The following PPM1H variants were observed in gnomAD, a reference collection of about 807,000 sequenced individuals.
PPM1H encodes the protein protein phosphatase 1H.
Under a neutral mutation model 54.9 loss-of-function variants are expected in PPM1H, and 27 were observed. The ratio of observed to expected loss-of-function variants is 0.49; its 90% CI spans 0.36 to 0.68. The LOEUF is 0.68. Ranked by LOEUF, PPM1H falls within the 30% of genes least tolerant of loss-of-function variation. PPM1H has a pLI of 0.00. For synonymous variants in PPM1H, 305 were observed against 270.8 expected (o/e 1.13, Z -1.24); for missense variants, 596 against 667.8 (o/e 0.89, Z 1.19).
intron 2 of PPM1H, among the ~76,000 whole-genome samples, chr12:62,826,821 T>C (rs1000178454): frequency 2.0e-5 from 3 of 152,214 alleles, no homozygotes; most frequent in Non-Finnish European, 4.4e-5. Flanking sequence ...GCCTGTCAAC[T>C]CTGTTTGCAG....
At chr12:62,744,988 C>A (rs1456534966) in intron 4 of PPM1H, among the ~76,000 whole-genome samples, 2 of 152,298 alleles carry the variant, frequency 1.3e-5, no homozygotes, top group East Asian at 3.9e-4. Context: ...CTGGTGCCGT[C>A]CTATGGGGAA....
chr12:62,717,868 G>C (rs542965261), intron 6 of PPM1H, among the ~76,000 whole-genome samples: 1 of 152,188 alleles, frequency 6.6e-6, no homozygotes, highest in Non-Finnish European at 1.5e-5. Context: ...TAGTAACAAT[G>C]AGCTGTTCTT....
chr12:62,840,073 G>GAGAGAA (rs752089262), intron 1 of PPM1H: 1 of 126,694 alleles, frequency 7.9e-6, no homozygotes, highest in Non-Finnish European at 1.6e-5. Flanking sequence ...GAGAGAGAGA[G>GAGAGAA]AGAGAGAGAG....
chr12:62,817,689 T>C (rs2076879511), intron 2 of PPM1H, among the ~76,000 whole-genome samples: 2 of 152,100 alleles, frequency 1.3e-5, no homozygotes, highest in Admixed American at 1.3e-4. Flanking sequence ...CAACCTTCAT[T>C]TCATGTTTCG....
intron 8 of PPM1H, among the ~76,000 whole-genome samples, chr12:62,686,500 G>A (rs1281553998): frequency 2.0e-5 from 3 of 152,170 alleles, no homozygotes; most frequent in Non-Finnish European, 2.9e-5. Context: ...CAAGCCCTGT[G>A]CTCAATGGCA....
At chr12:62,783,706 C>T (rs1255307072) in intron 4 of PPM1H, among the ~76,000 whole-genome samples, 1 of 152,220 alleles carries the variant, frequency 6.6e-6, no homozygotes, top group Non-Finnish European at 1.5e-5. Context: ...ACGTGCCTTG[C>T]ACTTATTAGC....
intron 1 of PPM1H, among the ~76,000 whole-genome samples, chr12:62,841,039 AAG>A (rs972711737): frequency 6.6e-6 from 1 of 152,068 alleles, no homozygotes; most frequent in Non-Finnish European, 1.5e-5. Context: ...GGTTATGGAG[AAG>A]AGAGAAAAGA....
rs1031552583 is a variant in PPM1H, at chr12:62,647,507, T to TAAAC, written c.*978_*981dup. On this transcript the variant is annotated 3_prime_UTR_variant, in exon 10 of 10. Coordinates refer to ENST00000228705, the MANE Select transcript of PPM1H (RefSeq NM_020700.2). ...CAAGCAACTTCTTAAACTGCTCTAT[T>TAAAC]AAACACTGCTTTATATGTGTCCCCA... The TAAAC allele has an allele frequency of 5.9e-5, 9 of 152,202 alleles. No individual in the cohort carries two copies. Among genetic ancestry groups the TAAAC allele is most frequent in the Admixed American group, 3.3e-4 (5 of 15,272 alleles). 9.4% of individuals were successfully genotyped at this position (152,202 alleles called of 1,614,324 possible).
At chr12:62,885,147 T>A (rs1278644982) in intron 1 of PPM1H, among the ~76,000 whole-genome samples, 9 of 152,072 alleles carry the variant, frequency 5.9e-5, no homozygotes, top group African/African-American at 2.2e-4. Context: ...ATCACGAGAA[T>A]AGCACAGGCA....
chr12:62,881,936 C>G (rs1321978310), intron 1 of PPM1H, among the ~76,000 whole-genome samples: 1 of 152,218 alleles, frequency 6.6e-6, no homozygotes, highest in Non-Finnish European at 1.5e-5. Flanking sequence ...TGTTCTAGAT[C>G]TGTCCTGTCC....
chr12:62,831,730 AGT>A (rs1159097469), intron 2 of PPM1H, among the ~76,000 whole-genome samples: 1 of 137,684 alleles, frequency 7.3e-6, no homozygotes, highest in Non-Finnish European at 1.6e-5. Flanking sequence ...TGTGTGTGTG[AGT>A]GTGTGTGTAT....
Position 62,844,549 on chromosome 12 carries a change from G to T in PPM1H, c.246-12270C>A, listed in dbSNP as rs987817014. 6.6e-6 allele frequency among the ~76,000 whole-genome samples: 1 copy of T among 152,202 alleles called. No individual in the cohort carries two copies. Among genetic ancestry groups the T allele is most frequent in the African/African-American group, 2.4e-5 (1 of 41,438 alleles). On this transcript the variant is annotated intron_variant, in intron 1 of 9. Coordinates refer to ENST00000228705, the MANE Select transcript of PPM1H (RefSeq NM_020700.2). This position sits in a 1 kb window ranked among gnomAD's most constrained non-coding sequence, Gnocchi z 5.2. ...GGATTATTTAATTTCACACTTTGAA[G>T]GAGACAAATGCGCTGAATGTAAGCG...
At chr12:62,780,175 T>C (rs1456767051) in intron 4 of PPM1H, among the ~76,000 whole-genome samples, 5 of 152,244 alleles carry the variant, frequency 3.3e-5, no homozygotes, top group African/African-American at 1.2e-4. Context: ...GCTTAAATAC[T>C]GCAGCCTATG....
chr12:62,866,563 T>A (rs964082002), intron 1 of PPM1H, among the ~76,000 whole-genome samples: 7 of 151,842 alleles, frequency 4.6e-5, no homozygotes, highest in African/African-American at 1.7e-4. Context: ...AGAACTGAGG[T>A]TTCCTACCAA....
chr12:62,664,952 G>C (rs2136609848), intron 9 of PPM1H, among the ~76,000 whole-genome samples: 1 of 149,536 alleles, frequency 6.7e-6, no homozygotes, highest in East Asian at 2.0e-4. Context: ...GTTTACTTTT[G>C]AAAGTTGGCT....
At chr12:62,673,715 CTTTTTT>C (rs567775927) in intron 8 of PPM1H, among the ~76,000 whole-genome samples, 1,072 of 41,942 alleles carry the variant, frequency 0.026, 25 homozygotes, top group African/African-American at 0.034. Flanking sequence ...AAGAGCCACT[CTTTTTT>C]TTTTTTTTTT....
chr12:62,680,820 A>T (rs17098162), intron 8 of PPM1H, among the ~76,000 whole-genome samples: 2,029 of 152,322 alleles, frequency 0.013, 24 homozygotes, highest in Middle Eastern at 0.031. Flanking sequence ...GTAACCAAAA[A>T]AGGCATAGAG....
intron 4 of PPM1H, among the ~76,000 whole-genome samples, chr12:62,738,234 T>C (rs2120528743): frequency 6.6e-6 from 1 of 152,246 alleles, no homozygotes; most frequent in East Asian, 1.9e-4. Flanking sequence ...AATCTCAGGT[T>C]CCACCCTGAG....
At chr12:62,712,155 C>T (rs560733125) in intron 6 of PPM1H, among the ~76,000 whole-genome samples, 9 of 152,212 alleles carry the variant, frequency 5.9e-5, no homozygotes, top group Non-Finnish European at 1.0e-4. Flanking sequence ...ACTCCAGCCC[C>T]GTTGGAATTT....
Sources: gnomAD v4.1 joint callset for allele counts (sites outside exome capture counted in the v4.1 genomes callset) on GRCh38, gnomAD v4.1.1 for gene constraint, Gnocchi (gnomAD v3.1) non-coding constraint, MANE v1.5 for transcripts, NCBI Gene and HGNC (gene_info 2026-07-23, HGNC 2026-07-21) for gene names.